Variants in TWIST2 observed in about 807,000 individuals in gnomAD.
TWIST2 encodes twist-related protein 2.
TWIST2 carries 1 observed loss-of-function variant against 11.6 expected under a neutral mutation model. The observed-to-expected ratio is 0.09, with a 90% CI of 0.03 to 0.41. TWIST2 has a LOEUF of 0.41. Ranked by LOEUF, TWIST2 falls within the 10% of genes least tolerant of loss-of-function variation. The pLI is 0.98. For synonymous variants in TWIST2, 87 were observed against 96.6 expected (o/e 0.90, Z 0.58); for missense variants, 168 against 226.4 (o/e 0.74, Z 1.66).
chr2:238,856,078 G>A (rs1484092099), intron 1 of TWIST2, among the ~76,000 whole-genome samples: 1 of 152,160 alleles, frequency 6.6e-6, no homozygotes, highest in African/African-American at 2.4e-5. Context: ...TGCGGTGGCT[G>A]TGGCAGAGGG....
chr2:238,859,009 C>T (rs1175807358), intron 1 of TWIST2, among the ~76,000 whole-genome samples: 1 of 152,070 alleles, frequency 6.6e-6, no homozygotes, highest in Non-Finnish European at 1.5e-5. Context: ...GTCAGGAGTT[C>T]AAGACCAGCC....
At chr2:238,854,800 C>A (rs571157071) in intron 1 of TWIST2, among the ~76,000 whole-genome samples, 26 of 152,316 alleles carry the variant, frequency 1.7e-4, no homozygotes, top group African/African-American at 6.3e-4. Context: ...AAGGAAAGCA[C>A]AGGCCAGTCA....
chr2:238,878,547 A>G (rs1028370585), intron 1 of TWIST2, among the ~76,000 whole-genome samples: 1 of 152,182 alleles, frequency 6.6e-6, no homozygotes, highest in African/African-American at 2.4e-5. Context: ...GCCTGTGGGG[A>G]CAAGGGTCAC....
At chr2:238,853,017 T>C (rs1199756562) in intron 1 of TWIST2, among the ~76,000 whole-genome samples, 1 of 152,190 alleles carries the variant, frequency 6.6e-6, no homozygotes. Flanking sequence ...CTGACGCCAT[T>C]TGAGGAATCT....
intron 1 of TWIST2, among the ~76,000 whole-genome samples, chr2:238,861,102 G>A (rs1692426029): frequency 1.3e-5 from 2 of 152,184 alleles, no homozygotes; most frequent in African/African-American, 4.8e-5. Context: ...GGGAGGACTG[G>A]CCGCCGGGGC....
intron 1 of TWIST2, among the ~76,000 whole-genome samples, chr2:238,908,137 A>G (rs1261534210): frequency 6.6e-6 from 1 of 150,482 alleles, no homozygotes; most frequent in Non-Finnish European, 1.5e-5. Context: ...TAGATACCAT[A>G]CCATACACAC....
chr2:238,905,840 A>AGTGT (rs1167633014), intron 1 of TWIST2, among the ~76,000 whole-genome samples: 1 of 115,414 alleles, frequency 8.7e-6, no homozygotes, highest in East Asian at 2.1e-4. Flanking sequence ...CTTTGAAAAA[A>AGTGT]GTGTGTGTGT....
chr2:238,869,367 G>T (rs775175017), intron 1 of TWIST2, among the ~76,000 whole-genome samples: 14 of 152,162 alleles, frequency 9.2e-5, no homozygotes, highest in Non-Finnish European at 1.8e-4. Flanking sequence ...GGACTACGTC[G>T]AACTTAAAAA....
At chr2:238,877,791 T>C (rs1402285655) in intron 1 of TWIST2, among the ~76,000 whole-genome samples, 1 of 152,216 alleles carries the variant, frequency 6.6e-6, no homozygotes, top group Non-Finnish European at 1.5e-5. Context: ...AAATGTTTAA[T>C]TCAATAAAAT....
rs147467576 is a variant in TWIST2 at position 238,888,867 on chromosome 2, T to C, written c.*36-20975T>C. Among the ~76,000 whole-genome samples, 370 of 152,272 alleles carry C rather than the reference T, an allele frequency of 2.4e-3. 3 individuals are homozygous for C. Among genetic ancestry groups the C allele is most frequent in the African/African-American group, 8.3e-3 (345 of 41,524 alleles). On this transcript the variant is annotated intron_variant, in intron 1 of 1. Coordinates refer to ENST00000612363, the MANE Select transcript of TWIST2 (RefSeq NM_001271893.4). ...AAGTAAATGTGAATATTTGGAAAAA[T>C]ACACAGCTATGCATGTCACACGTGC... is the stretch of plus-strand genomic sequence containing the variant.
At chr2:238,896,150 G>T (rs1693204363) in intron 1 of TWIST2, among the ~76,000 whole-genome samples, 1 of 150,710 alleles carries the variant, frequency 6.6e-6, no homozygotes, top group East Asian at 1.9e-4. Flanking sequence ...ACGGAGGGGG[G>T]AGAGAGGGGC....
At chr2:238,860,154 C>T (rs1003255137) in intron 1 of TWIST2, among the ~76,000 whole-genome samples, 4 of 152,184 alleles carry the variant, frequency 2.6e-5, no homozygotes, top group African/African-American at 9.7e-5. Context: ...GTTCTGGGCT[C>T]AGAGGCCCTC....
At chr2:238,903,639 G>C (rs1693308605) in intron 1 of TWIST2, among the ~76,000 whole-genome samples, 12 of 16,528 alleles carry the variant, frequency 7.3e-4, no homozygotes. Context: ...GTGTGTGTGT[G>C]ATGTGTGATG....
At chr2:238,907,044 G>T (rs1390943039) in intron 1 of TWIST2, among the ~76,000 whole-genome samples, 1 of 152,184 alleles carries the variant, frequency 6.6e-6, no homozygotes, top group African/African-American at 2.4e-5. Context: ...GTCCCAGGTC[G>T]CAGGGCCAGT....
At chr2:238,848,811 C>T in intron 1 of TWIST2, 78 bp downstream of exon 1, 11 of 1,159,794 alleles carry the variant, frequency 9.5e-6, no homozygotes, top group Non-Finnish European at 9.8e-6. Context: ...GGGGCCTGCT[C>T]GTGTCTCCTC....
At chr2:238,871,909 C>T (rs1449041336) in intron 1 of TWIST2, among the ~76,000 whole-genome samples, 3 of 151,942 alleles carry the variant, frequency 2.0e-5, no homozygotes, top group South Asian at 4.1e-4. Context: ...GTGGGAAGTG[C>T]GTGTTTAGTG....
chr2:238,887,601 C>T (rs543416389), intron 1 of TWIST2, among the ~76,000 whole-genome samples: 88 of 152,334 alleles, frequency 5.8e-4, no homozygotes, highest in African/African-American at 2.0e-3. Context: ...CTCCTCAGAG[C>T]CCCTGTGGTT....
chr2:238,848,263 C>T lies in TWIST2; in HGVS notation c.48C>T (p.Gly16=), dbSNP rs1163139636. ...CCGTGTCCCCCGTGGACAGCCTGGG[C>T]ACCAGCGAGGAGGAGCTCGAGAGGC... ...SSPVSPVDSL[G]TSEEELERQP... is the part of the protein sequence containing the mutation. The change falls in exon 1 of 2, where the codon GGC becomes GGT. Residue 16 remains glycine (G), a synonymous_variant. Transcript: ENST00000612363. The T allele has an allele frequency of 1.3e-6, 2 of 1,525,422 alleles. No homozygotes were observed. Among genetic ancestry groups the T allele is most frequent in the East Asian group, 2.5e-5 (1 of 40,530 alleles). 94.5% of individuals were successfully genotyped at this position (1,525,422 alleles called of 1,614,324 possible). A position where few individuals can be genotyped will look rare whatever the true frequency, so the allele number is the denominator to read the frequency against.
At chr2:238,874,615 A>C (rs147363128) in intron 1 of TWIST2, among the ~76,000 whole-genome samples, 1 of 152,326 alleles carries the variant, frequency 6.6e-6, no homozygotes, top group African/African-American at 2.4e-5. Context: ...TACATAGTAC[A>C]TACATTCGTT....
Sources: allele counts gnomAD v4.1 joint callset (sites outside exome capture counted in the v4.1 genomes callset), GRCh38; gene constraint gnomAD v4.1.1; transcripts MANE v1.5; gene names NCBI Gene and HGNC (gene_info 2026-07-23, HGNC 2026-07-21).